RNF24: variants seen among roughly 807,000 people sequenced by gnomAD.
The protein encoded by RNF24 is ring finger protein 24.
RNF24 carries 14 observed loss-of-function variants against 20.0 expected under a neutral mutation model. The observed-to-expected ratio is 0.70, with a 90% CI of 0.46 to 1.10. The LOEUF (loss-of-function observed/expected upper bound fraction) is 1.10, where lower values mean the gene tolerates loss of function less well. Among genes scored for constraint, RNF24 ranks in the 50% least tolerant of loss-of-function variants. The probability of loss-of-function intolerance (pLI) is 0.00; values close to 1 mark genes in which losing one functional copy is unlikely to be tolerated. For synonymous variants in RNF24, 45 were observed against 61.1 expected (o/e 0.74, Z 1.23); for missense variants, 124 against 177.6 (o/e 0.70, Z 1.71).
chr20:3,958,687 G>A (rs2091169254), intron 2 of RNF24, among the ~76,000 whole-genome samples: 1 of 152,188 alleles, frequency 6.6e-6, no homozygotes, highest in South Asian at 2.1e-4. Context: ...TGTTGCCCAG[G>A]CTGGAGTGCA....
intron 2 of RNF24, among the ~76,000 whole-genome samples, chr20:3,959,836 C>A (rs2091182468): frequency 6.6e-6 from 1 of 152,224 alleles, no homozygotes; most frequent in Non-Finnish European, 1.5e-5. Flanking sequence ...CATTCATTCA[C>A]CCAGCAAATA....
intron 4 of RNF24, among the ~76,000 whole-genome samples, chr20:3,941,359 T>C (rs1168714960): frequency 6.6e-6 from 1 of 152,096 alleles, no homozygotes; most frequent in Non-Finnish European, 1.5e-5. Context: ...ATGATAGATA[T>C]TGCACAAAGA....
At chr20:3,983,096 C>A (rs1979565012) in intron 1 of RNF24, among the ~76,000 whole-genome samples, 1 of 152,124 alleles carries the variant, frequency 6.6e-6, no homozygotes. Flanking sequence ...TTGCCAGATG[C>A]CAGTATCTTG....
intron 1 of RNF24, among the ~76,000 whole-genome samples, chr20:4,006,022 A>C (rs111567492): frequency 6.6e-6 from 1 of 152,186 alleles, no homozygotes; most frequent in Non-Finnish European, 1.5e-5. Flanking sequence ...TCGGGAAAAC[A>C]TAAGTACCAT....
At chr20:3,953,065 T>C (rs894545478) in intron 2 of RNF24, among the ~76,000 whole-genome samples, 14 of 152,202 alleles carry the variant, frequency 9.2e-5, no homozygotes, top group Non-Finnish European at 2.1e-4. Context: ...AAGTGTCATA[T>C]TGGAGTGGTA....
chr20:3,999,028 C>G (rs1369036473), intron 1 of RNF24, among the ~76,000 whole-genome samples: 1 of 152,032 alleles, frequency 6.6e-6, no homozygotes, highest in African/African-American at 2.4e-5. Flanking sequence ...TGCAGTGAGC[C>G]AAGATCAGGC....
At chr20:3,951,336 T>C (rs1328706836) in intron 2 of RNF24, among the ~76,000 whole-genome samples, 1 of 152,196 alleles carries the variant, frequency 6.6e-6, no homozygotes, top group East Asian at 1.9e-4. Flanking sequence ...GATCATTCTT[T>C]CTTGGTGGAA....
chr20:4,008,695 C>T (rs541941455), intron 1 of RNF24, among the ~76,000 whole-genome samples: 60 of 149,696 alleles, frequency 4.0e-4, no homozygotes, highest in Admixed American at 1.2e-3. Context: ...TACAGGCACC[C>T]GCCACCACAC....
intron 2 of RNF24, among the ~76,000 whole-genome samples, chr20:3,956,089 T>A (rs1304925178): frequency 1.3e-5 from 2 of 152,128 alleles, no homozygotes; most frequent in Non-Finnish European, 2.9e-5. Flanking sequence ...ATGGAGATAG[T>A]TACTTCTTTC....
At chr20:3,966,133 CAAAAAAAAA>C (rs574975352) in intron 1 of RNF24, among the ~76,000 whole-genome samples, 10 of 81,474 alleles carry the variant, frequency 1.2e-4, no homozygotes, top group African/African-American at 3.0e-4. Flanking sequence ...GATTCCATCT[CAAAAAAAAA>C]AAAAAAAAAA....
At position 4,012,434 on chromosome 20, in the gene RNF24, A is replaced by G. The variant is rs535886735; in HGVS notation, c.-8+3003T>C. 1.9e-3 allele frequency among the ~76,000 whole-genome samples: 292 copies of G among 151,938 alleles called. 11 individuals carry two copies. The South Asian group carries it at 0.047, about 25-fold the overall frequency. Reference sequence around the variant, plus strand: ...TCCATCTCAAAAAAAAAAAACAACAAAACACCCAAAAAACAAAAAAGCAAT... The same window carrying G: ...TCCATCTCAAAAAAAAAAAACAACAGAACACCCAAAAAACAAAAAAGCAAT... On this transcript the variant is annotated intron_variant, in intron 1 of 5. Transcript: ENST00000358395.
chr20:3,995,170 A>G (rs1980761582), intron 1 of RNF24, among the ~76,000 whole-genome samples: 1 of 152,160 alleles, frequency 6.6e-6, no homozygotes, highest in African/African-American at 2.4e-5. Flanking sequence ...TGTCCCATCT[A>G]TAATATAGGG....
chr20:3,995,995 T>C (rs1980834190), intron 1 of RNF24, among the ~76,000 whole-genome samples: 1 of 152,224 alleles, frequency 6.6e-6, no homozygotes, highest in East Asian at 1.9e-4. Flanking sequence ...CACAAAGCGC[T>C]ATTATTCTGG....
intron 1 of RNF24, chr20:3,974,351 A>C (rs1428911268): frequency 1.9e-6 from 3 of 1,550,808 alleles, no homozygotes; most frequent in African/African-American, 2.7e-5. Context: ...ACCGGGAACA[A>C]GGCAGGATAT....
intron 4 of RNF24, among the ~76,000 whole-genome samples, chr20:3,941,944 G>C (rs1179205952): frequency 2.0e-5 from 3 of 151,746 alleles, no homozygotes; most frequent in Non-Finnish European, 2.9e-5. Context: ...CGTGGTGGTG[G>C]ACATCTGTAA....
chr20:3,965,857 G>C (rs139512516), intron 1 of RNF24, among the ~76,000 whole-genome samples: 138 of 152,280 alleles, frequency 9.1e-4, no homozygotes, highest in African/African-American at 3.0e-3. Flanking sequence ...GATTAGGCCA[G>C]GTGCAGTGGC....
chr20:3,979,971 T>C (rs921763724), intron 1 of RNF24, among the ~76,000 whole-genome samples: 7 of 152,004 alleles, frequency 4.6e-5, no homozygotes, highest in Non-Finnish European at 1.0e-4. Context: ...AAGAAGGAAT[T>C]AATAAAGGTC....
intron 1 of RNF24, among the ~76,000 whole-genome samples, chr20:4,011,948 G>C (rs1214125329): frequency 6.6e-6 from 1 of 152,066 alleles, no homozygotes; most frequent in African/African-American, 2.4e-5. Context: ...TAAGTATAAA[G>C]GTAAATACCA....
intron 2 of RNF24, among the ~76,000 whole-genome samples, chr20:3,961,733 C>A (rs1398766977): frequency 1.3e-5 from 2 of 150,182 alleles, no homozygotes; most frequent in South Asian, 4.2e-4. Flanking sequence ...TTTTTTGCCT[C>A]TTTAAAAAAT....
Sources: gnomAD v4.1 joint callset for allele counts (sites outside exome capture counted in the v4.1 genomes callset) on GRCh38, gnomAD v4.1.1 for gene constraint, MANE v1.5 for transcripts, NCBI Gene and HGNC (gene_info 2026-07-23, HGNC 2026-07-21) for gene names.